ZNF286A: variants seen among roughly 807,000 people sequenced by gnomAD.
ZNF286A encodes zinc finger protein 286A, also known as zinc finger protein ZNF286.
A neutral mutation model predicts 49.3 loss-of-function variants in ZNF286A; 34 were observed. The observed-to-expected ratio is 0.69, with a 90% CI of 0.52 to 0.92. The LOEUF (loss-of-function observed/expected upper bound fraction) is 0.92, where lower values mean the gene tolerates loss of function less well. Ranked by LOEUF, ZNF286A falls within the 40% of genes least tolerant of loss-of-function variation. The pLI is 0.00. For synonymous variants in ZNF286A, 155 were observed against 200.4 expected (o/e 0.77, Z 1.91); for missense variants, 462 against 600.2 (o/e 0.77, Z 2.41).
At chr17:15,714,721 A>ATG (rs1203759244) in intron 5 of ZNF286A, among the ~76,000 whole-genome samples, 2 of 152,160 alleles carry the variant, frequency 1.3e-5, no homozygotes, top group Non-Finnish European at 2.9e-5. Context: ...CTTCCTCTAT[A>ATG]TGTATAGTGA....
At chr17:15,704,240 G>A (rs1377653935) in intron 3 of ZNF286A, 5 of 1,600,556 alleles carry the variant, frequency 3.1e-6, no homozygotes, top group South Asian at 2.2e-5. Flanking sequence ...CACTACAGCC[G>A]CCGCAGCGCC....
chr17:15,705,874 C>G (rs1990192329), intron 3 of ZNF286A, among the ~76,000 whole-genome samples: 1 of 152,150 alleles, frequency 6.6e-6, no homozygotes, highest in Non-Finnish European at 1.5e-5. Context: ...ATTTAATGCT[C>G]TTTGCCTTGA....
At chr17:15,711,158 C>T (rs545025467) in intron 5 of ZNF286A, among the ~76,000 whole-genome samples, 5 of 152,184 alleles carry the variant, frequency 3.3e-5, no homozygotes, top group South Asian at 2.1e-4. Context: ...ATGATCCGCC[C>T]GCCTAGGCCT....
intron 5 of ZNF286A, among the ~76,000 whole-genome samples, chr17:15,715,399 G>A (rs1054250866): frequency 2.6e-5 from 4 of 151,756 alleles, no homozygotes; most frequent in African/African-American, 9.7e-5. Context: ...GAGATGGATA[G>A]TACTCCATTG....
At chr17:15,710,134 C>A (rs1356035451) in intron 5 of ZNF286A, among the ~76,000 whole-genome samples, 1 of 152,140 alleles carries the variant, frequency 6.6e-6, no homozygotes, top group Non-Finnish European at 1.5e-5. Flanking sequence ...TATCTTTTCT[C>A]TTGATTTGGT....
intron 3 of ZNF286A, among the ~76,000 whole-genome samples, chr17:15,702,437 C>G (rs1489506191): frequency 6.6e-6 from 1 of 151,500 alleles, no homozygotes; most frequent in Non-Finnish European, 1.5e-5. Context: ...ATCACTTGAA[C>G]CCAGGAGGCA....
intron 3 of ZNF286A, chr17:15,704,903 C>T: frequency 1.2e-6 from 2 of 1,600,472 alleles, no homozygotes; most frequent in South Asian, 1.1e-5. Flanking sequence ...GAGTTCATGG[C>T]TGCGGCCGGC....
intron 5 of ZNF286A, 148 bp from the exon 6 acceptor site, chr17:15,715,911 G>A: frequency 6.6e-7 from 1 of 1,504,738 alleles, no homozygotes; most frequent in Non-Finnish European, 8.9e-7. Context: ...CCCTCCATTT[G>A]TTTCTCTTTG....
At chr17:15,708,859 G>T (rs910073785) in intron 5 of ZNF286A, among the ~76,000 whole-genome samples, 1 of 152,088 alleles carries the variant, frequency 6.6e-6, no homozygotes, top group Non-Finnish European at 1.5e-5. Context: ...TGAGTATTTG[G>T]ATAGTTTCCA....
chr17:15,701,992 C>G (rs754184871), intron 3 of ZNF286A, among the ~76,000 whole-genome samples: 1 of 151,870 alleles, frequency 6.6e-6, no homozygotes, highest in Non-Finnish European at 1.5e-5. Flanking sequence ...CATGGTGGCA[C>G]GCACCTGTAG....
intron 3 of ZNF286A, among the ~76,000 whole-genome samples, chr17:15,704,049 C>T (rs1193011423): frequency 7.1e-6 from 1 of 140,664 alleles, no homozygotes; most frequent in African/African-American, 2.7e-5. Flanking sequence ...GGGAATAATT[C>T]TCTTATTATT....
Position 15,708,251 on chromosome 17 carries a change from A to G in ZNF286A, c.334+4A>G. The G allele has an allele frequency of 6.3e-7, 1 of 1,575,438 alleles. No homozygotes were observed. Among genetic ancestry groups the G allele is most frequent in the African/African-American group, 1.4e-5 (1 of 73,520 alleles). On this transcript the variant is annotated splice_donor_region_variant and intron_variant, in intron 5 of 5. Coordinates refer to ENST00000583566, the MANE Select transcript of ZNF286A (RefSeq NM_001130842.2). The stretch of plus-strand genomic sequence containing the variant: ...GCCCCCAAAAGCAGCTATTCAGGTG[A>G]GCCAGATAGATGGGAGTCTTCATAA...
intron 5 of ZNF286A, among the ~76,000 whole-genome samples, chr17:15,709,301 C>T (rs1990470358): frequency 6.9e-6 from 1 of 145,162 alleles, no homozygotes; most frequent in Non-Finnish European, 1.5e-5. Context: ...ACCAGCCTGG[C>T]CAACATGGTG....
At chr17:15,713,024 G>T (rs1021209822) in intron 5 of ZNF286A, among the ~76,000 whole-genome samples, 1 of 152,114 alleles carries the variant, frequency 6.6e-6, no homozygotes, top group African/African-American at 2.4e-5. Context: ...TTTGATTTAT[G>T]TAGGTTACAT....
chr17:15,714,771 G>A (rs1250637649), intron 5 of ZNF286A, among the ~76,000 whole-genome samples: 1 of 148,548 alleles, frequency 6.7e-6, no homozygotes, highest in Non-Finnish European at 1.5e-5. Context: ...CTAGCACATG[G>A]AGGATATTCT....
chr17:15,706,667 T>C (rs780955751), intron 4 of ZNF286A, among the ~76,000 whole-genome samples, 166 bp downstream of exon 4: 9 of 152,226 alleles, frequency 5.9e-5, no homozygotes, highest in Non-Finnish European at 1.0e-4. Context: ...CTTGATGAAA[T>C]GTCTGTGCTT....
intron 3 of ZNF286A, chr17:15,704,478 G>T: frequency 4.3e-6 from 7 of 1,613,608 alleles, no homozygotes; most frequent in Non-Finnish European, 5.1e-6. Flanking sequence ...CATACTCCTC[G>T]GAGTTCTCCA....
intron 5 of ZNF286A, chr17:15,709,740 G>A: frequency 2.2e-6 from 3 of 1,351,944 alleles, no homozygotes; most frequent in Admixed American, 2.5e-5. Context: ...TATGAATTAT[G>A]TTATTCATTT....
In ZNF286A at chr17:15,716,241, T is replaced by A; in HGVS notation, c.517T>A (p.Leu173Met). The change falls in exon 6 of 6, where the codon TTG (leucine) becomes ATG (methionine). Residue 173 changes from leucine (L) to methionine (M), a missense_variant. By Grantham distance (15) the Leu-to-Met change is conservative. This residue lies in a region of ZNF286A where 259 missense variants were observed against 272.2 expected (regional missense o/e 0.95). Coordinates refer to ENST00000583566, the MANE Select transcript of ZNF286A (RefSeq NM_001130842.2). The stretch of plus-strand genomic sequence containing the variant: ...TCAGCAAGGAAATCAGGAGAGACAT[T>A]TGAGAGAAATGTTCACTCACATGAA... ...ENQQGNQERH[L>M]REMFTHMNSL... 2 of 1,613,894 alleles carry A rather than the reference T, an allele frequency of 1.2e-6. No homozygotes were observed. The highest frequency in any genetic ancestry group is 1.7e-6 in the Non-Finnish European group (2 of 1,179,832).
Sources: allele counts gnomAD v4.1 joint callset (sites outside exome capture counted in the v4.1 genomes callset), GRCh38; gene constraint gnomAD v4.1.1; regional missense constraint gnomAD v4.1.1; transcripts MANE v1.5; gene names NCBI Gene and HGNC (gene_info 2026-07-23, HGNC 2026-07-21).